The following CACNG4 variants were observed in gnomAD, a reference collection of about 807,000 sequenced individuals.
CACNG4 encodes voltage-dependent calcium channel gamma-4 subunit.
CACNG4 carries 8 observed loss-of-function variants against 22.9 expected under a neutral mutation model. That is an observed-to-expected ratio of 0.35 (90% CI 0.21 to 0.63). The LOEUF is 0.63. Among genes scored for constraint, CACNG4 ranks in the 30% least tolerant of loss-of-function variants. The pLI is 0.72. For synonymous variants in CACNG4, 188 were observed against 191.9 expected (o/e 0.98, Z 0.17); for missense variants, 357 against 455.4 (o/e 0.78, Z 1.97).
intron 1 of CACNG4, among the ~76,000 whole-genome samples, chr17:66,967,607 A>G (rs1217755084): frequency 6.6e-6 from 1 of 152,200 alleles, no homozygotes; most frequent in Admixed American, 6.5e-5. Context: ...GCTTTCATGT[A>G]TAAGATGCAT....
intron 1 of CACNG4, among the ~76,000 whole-genome samples, chr17:66,980,008 C>T (rs1260004866): frequency 6.6e-6 from 1 of 152,182 alleles, no homozygotes; most frequent in Non-Finnish European, 1.5e-5. Flanking sequence ...CCCACCTCGG[C>T]CTCCCAAAGT....
rs1194651759 is a variant in CACNG4 at position 67,018,232 on chromosome 17, G to A, written c.264G>A (p.Glu88=). 1.2e-6 allele frequency: 2 copies of A among 1,614,140 alleles called. No homozygotes were observed. Among genetic ancestry groups the A allele is most frequent in the African/African-American group, 2.7e-5 (2 of 75,040 alleles). Residue 88 remains glutamate (E), a synonymous_variant, in exon 2 of 4, where the codon GAG becomes GAA. Coordinates refer to ENST00000262138, the MANE Select transcript of CACNG4 (RefSeq NM_014405.4). ...GCTTCCGGATCAATCACTTCCCAGAGGACAATGACTACGACCACGACAGCT... is the reference window on the plus strand; with the variant it reads ...GCTTCCGGATCAATCACTTCCCAGAAGACAATGACTACGACCACGACAGCT... The part of the protein sequence containing the change: ...GHCFRINHFP[E]DNDYDHDSSE...
At chr17:66,981,921 G>C (rs890888070) in intron 1 of CACNG4, among the ~76,000 whole-genome samples, 1 of 152,106 alleles carries the variant, frequency 6.6e-6, no homozygotes, top group East Asian at 1.9e-4. Context: ...ATTGCAGAAA[G>C]AGAGCTAACT....
chr17:67,022,781 C>G (rs534943520), intron 2 of CACNG4, among the ~76,000 whole-genome samples: 1 of 152,324 alleles, frequency 6.6e-6, no homozygotes, highest in East Asian at 1.9e-4. Context: ...TGGGAAAGGC[C>G]GAGCTCTGGG....
chr17:66,997,783 C>T (rs1410064236), intron 1 of CACNG4, among the ~76,000 whole-genome samples: 1 of 152,108 alleles, frequency 6.6e-6, no homozygotes, highest in African/African-American at 2.4e-5. Flanking sequence ...CGCCACTGCC[C>T]TCCAGCCTGG....
intron 1 of CACNG4, among the ~76,000 whole-genome samples, chr17:67,012,175 G>A (rs530724369): frequency 6.6e-6 from 1 of 152,308 alleles, no homozygotes; most frequent in Non-Finnish European, 1.5e-5. Context: ...CCTGTGCAGG[G>A]GACCAGGTGT....
At position 67,027,095 on chromosome 17, in the gene CACNG4, C is replaced by A. The variant is rs1219661983; in HGVS notation, c.445+2095C>A. ...CATGCCAGCGCTCTGTGAGCCCAAC[C>A]CCACCATCCCTGCTCCTGCGGAGGA... is the stretch of plus-strand genomic sequence containing the variant. On this transcript the variant is annotated intron_variant, in intron 3 of 3. Coordinates refer to ENST00000262138, the MANE Select transcript of CACNG4 (RefSeq NM_014405.4). The surrounding 1 kb of genome is among the most constrained non-coding windows in gnomAD (Gnocchi z 4.3). Among the ~76,000 whole-genome samples, 1 of 152,202 alleles carries A rather than the reference C, an allele frequency of 6.6e-6. No individual in the cohort carries two copies. The highest frequency in any genetic ancestry group is 1.5e-5 in the Non-Finnish European group (1 of 68,028).
At chr17:66,994,545 C>T (rs915426250) in intron 1 of CACNG4, among the ~76,000 whole-genome samples, 1 of 152,168 alleles carries the variant, frequency 6.6e-6, no homozygotes, top group Non-Finnish European at 1.5e-5. Flanking sequence ...CACCCTGGCC[C>T]CCCAGGGGCC....
At chr17:67,008,238 C>A (rs1326561028) in intron 1 of CACNG4, among the ~76,000 whole-genome samples, 1 of 152,148 alleles carries the variant, frequency 6.6e-6, no homozygotes, top group Non-Finnish European at 1.5e-5. Flanking sequence ...AAAGCCTGAA[C>A]CAGCCCAGAC....
intron 1 of CACNG4, among the ~76,000 whole-genome samples, chr17:66,992,705 C>T (rs1434666195): frequency 2.0e-5 from 3 of 152,238 alleles, no homozygotes; most frequent in African/African-American, 7.2e-5. Flanking sequence ...GTTGCGTTTG[C>T]ACCGGTTTCT....
chr17:67,023,381 T>C (rs1390562331), intron 2 of CACNG4, among the ~76,000 whole-genome samples: 1 of 144,390 alleles, frequency 6.9e-6, no homozygotes, highest in Non-Finnish European at 1.5e-5. Context: ...GTTCACGCCA[T>C]TCTCCTGCCT....
At chr17:67,023,150 C>T (rs1471453251) in intron 2 of CACNG4, among the ~76,000 whole-genome samples, 6 of 152,090 alleles carry the variant, frequency 3.9e-5, no homozygotes, top group Non-Finnish European at 5.9e-5. Flanking sequence ...CCCCTTCTCC[C>T]CTGTGTCTTC....
intron 1 of CACNG4, among the ~76,000 whole-genome samples, chr17:66,980,473 C>T (rs1252984148): frequency 1.3e-5 from 2 of 152,104 alleles, no homozygotes; most frequent in African/African-American, 2.4e-5. Flanking sequence ...GAGCAGAAGA[C>T]GCTTGCTTTT....
intron 1 of CACNG4, among the ~76,000 whole-genome samples, chr17:66,988,000 C>A (rs2035314479): frequency 6.6e-6 from 1 of 151,552 alleles, no homozygotes; most frequent in African/African-American, 2.4e-5. Flanking sequence ...AGAGTGGGAG[C>A]CCTTGAGAGT....
intron 1 of CACNG4, among the ~76,000 whole-genome samples, chr17:67,007,042 G>T (rs1473071334): frequency 3.3e-5 from 5 of 152,120 alleles, no homozygotes; most frequent in Non-Finnish European, 5.9e-5. Context: ...AGGCATGGTG[G>T]CCGGTGCCTA....
In CACNG4 at chr17:67,030,273, C is replaced by T. The variant is rs1788822450; in HGVS notation, c.446-193C>T. Among the ~76,000 whole-genome samples the T allele has an allele frequency of 2.0e-5, 3 of 152,014 alleles. No homozygotes were observed. Among genetic ancestry groups the T allele is most frequent in the African/African-American group, 7.2e-5 (3 of 41,382 alleles). The stretch of plus-strand genomic sequence containing the variant: ...GCTGAGAGTGTGTTTTATTGTATAC[C>T]TCATTTGAACTTTGTACTCTATTAC... On this transcript the variant is annotated intron_variant, in intron 3 of 3. Transcript: ENST00000262138. This position sits in a 1 kb window ranked among gnomAD's most constrained non-coding sequence, Gnocchi z 6.4.
chr17:66,987,862 G>C (rs1000778105), intron 1 of CACNG4, among the ~76,000 whole-genome samples: 5 of 152,014 alleles, frequency 3.3e-5, no homozygotes, highest in African/African-American at 1.2e-4. Context: ...TCTCAGCGGT[G>C]CATTCAGCTG....
At position 66,965,150 on chromosome 17, in the gene CACNG4, C is replaced by G. The variant is rs775104082; in HGVS notation, c.220+19C>G. The stretch of plus-strand genomic sequence containing the variant: ...ATCGAAGGTACGGCCAGCCCCGACC[C>G]CTCGCCGCCCCACACACACACACAC... On this transcript the variant is annotated intron_variant, in intron 1 of 3. Coordinates refer to ENST00000262138, the MANE Select transcript of CACNG4 (RefSeq NM_014405.4). 20 of 1,392,580 alleles carry G rather than the reference C, an allele frequency of 1.4e-5. No homozygotes were observed. The highest frequency in any genetic ancestry group is 2.0e-5 in the Admixed American group (1 of 49,948). 86.3% of individuals were successfully genotyped at this position (1,392,580 alleles called of 1,614,324 possible). A position where few individuals can be genotyped will look rare whatever the true frequency, so the allele number is the denominator to read the frequency against.
At chr17:67,020,430 G>A (rs1356088138) in intron 2 of CACNG4, among the ~76,000 whole-genome samples, 3 of 152,230 alleles carry the variant, frequency 2.0e-5, no homozygotes, top group East Asian at 1.9e-4. Context: ...CTCCTTAAGC[G>A]TACGCTGTGG....
Sources: gnomAD v4.1 joint callset for allele counts (sites outside exome capture counted in the v4.1 genomes callset) on GRCh38, gnomAD v4.1.1 for gene constraint, Gnocchi (gnomAD v3.1) non-coding constraint, MANE v1.5 for transcripts, NCBI Gene and HGNC (gene_info 2026-07-23, HGNC 2026-07-21) for gene names.